The following NCAM2 variants were observed in gnomAD, a reference collection of about 807,000 sequenced individuals.
NCAM2 encodes the protein neural cell adhesion molecule 2.
In NCAM2, 30 loss-of-function variants were observed where a neutral mutation model predicts 98.1. The observed-to-expected ratio is 0.31, with a 90% CI of 0.23 to 0.41. The LOEUF (loss-of-function observed/expected upper bound fraction) is 0.41. Ranked by LOEUF, NCAM2 falls within the 10% of genes least tolerant of loss-of-function variation. The probability of loss-of-function intolerance (pLI) is 1.00; values close to 1 mark genes in which losing one functional copy is unlikely to be tolerated. For missense variants in NCAM2, 867 were observed against 1,005.8 expected, an observed-to-expected ratio of 0.86 and a Z score of 1.87; for synonymous variants, 368 against 342.4, an observed-to-expected ratio of 1.07 and a Z score of -0.83.
chr21:21,492,354 C>A (rs937435046), intron 15 of NCAM2, among the ~76,000 whole-genome samples: 1 of 151,772 alleles, frequency 6.6e-6, no homozygotes, highest in Admixed American at 6.6e-5. Flanking sequence ...AACAAAAAAT[C>A]CCTATGTGTC....
intron 1 of NCAM2, among the ~76,000 whole-genome samples, chr21:21,124,473 C>T (rs754282585): frequency 2.6e-5 from 4 of 152,054 alleles, no homozygotes; most frequent in Non-Finnish European, 5.9e-5. Flanking sequence ...AAATAGTAAA[C>T]TTAGGTCAGC....
chr21:21,289,225 T>C (rs1334743504), intron 4 of NCAM2, among the ~76,000 whole-genome samples: 1 of 151,876 alleles, frequency 6.6e-6, no homozygotes. Flanking sequence ...AAAGATTAAT[T>C]CAACAATTAT....
chr21:21,171,946 A>G (rs111980586), intron 1 of NCAM2, among the ~76,000 whole-genome samples: 4 of 152,260 alleles, frequency 2.6e-5, no homozygotes, highest in African/African-American at 9.6e-5. Context: ...CAAGAACTTC[A>G]GTCCCTTATG....
chr21:21,150,934 C>T (rs1164808840), intron 1 of NCAM2, among the ~76,000 whole-genome samples: 15 of 151,216 alleles, frequency 9.9e-5, no homozygotes, highest in Non-Finnish European at 4.4e-5. Context: ...AATTTATGGG[C>T]TATGTCATCT....
intron 1 of NCAM2, among the ~76,000 whole-genome samples, chr21:21,018,614 CTAAA>C (rs2064367173): frequency 1.3e-5 from 2 of 152,306 alleles, no homozygotes; most frequent in African/African-American, 4.8e-5. Context: ...TTGAGAATTA[CTAAA>C]TAGATTATCT....
intron 1 of NCAM2, among the ~76,000 whole-genome samples, chr21:21,132,526 A>G (rs992215090): frequency 2.6e-5 from 4 of 152,064 alleles, no homozygotes; most frequent in African/African-American, 9.7e-5. Flanking sequence ...GTATTTAATT[A>G]TGTATGTGTA....
intron 8 of NCAM2, among the ~76,000 whole-genome samples, chr21:21,357,317 C>T (rs542582581): frequency 1.1e-4 from 17 of 151,988 alleles, no homozygotes; most frequent in African/African-American, 4.1e-4. Flanking sequence ...TTCAGGCTGA[C>T]AAAAATTACT....
chr21:21,360,593 A>G (rs1221219971), intron 8 of NCAM2, among the ~76,000 whole-genome samples: 1 of 152,008 alleles, frequency 6.6e-6, no homozygotes, highest in East Asian at 1.9e-4. Flanking sequence ...CCCCTGGTTC[A>G]TAGCGCTTAC....
At chr21:21,022,047 A>G (rs2064448841) in intron 1 of NCAM2, among the ~76,000 whole-genome samples, 1 of 152,138 alleles carries the variant, frequency 6.6e-6, no homozygotes, top group Admixed American at 6.5e-5. Context: ...ATATAAAGTT[A>G]AATAAATATC....
At chr21:21,459,387 G>A (rs1374833344) in intron 12 of NCAM2, among the ~76,000 whole-genome samples, 2 of 150,734 alleles carry the variant, frequency 1.3e-5, no homozygotes, top group Non-Finnish European at 3.0e-5. Context: ...ATGTCTATCT[G>A]TGAATGAATG....
chr21:21,314,496 C>T (rs1425302497), intron 5 of NCAM2, among the ~76,000 whole-genome samples: 1 of 151,940 alleles, frequency 6.6e-6, no homozygotes, highest in African/African-American at 2.4e-5. Context: ...ATGCTGTTGG[C>T]CTATTTGAGA....
At chr21:21,272,934 T>TCATTCACACACACACA in intron 1 of NCAM2, among the ~76,000 whole-genome samples, 1 of 124,872 alleles carries the variant, frequency 8.0e-6, no homozygotes, top group African/African-American at 3.1e-5. Context: ...GGACATGCAT[T>TCATTCACACACACACA]CACACACACA....
intron 6 of NCAM2, among the ~76,000 whole-genome samples, chr21:21,329,945 T>C (rs2074626004): frequency 6.6e-6 from 1 of 152,262 alleles, no homozygotes; most frequent in Non-Finnish European, 1.5e-5. Flanking sequence ...TTGTCATTCA[T>C]AGTATCCCTT....
intron 1 of NCAM2, among the ~76,000 whole-genome samples, chr21:21,160,302 A>G (rs2067742796): frequency 6.6e-6 from 1 of 151,888 alleles, no homozygotes; most frequent in Non-Finnish European, 1.5e-5. Context: ...TCTATAATAT[A>G]TAATTATCTA....
At chr21:21,391,032 A>C (rs2145826971) in intron 9 of NCAM2, among the ~76,000 whole-genome samples, 1 of 152,288 alleles carries the variant, frequency 6.6e-6, no homozygotes, top group Admixed American at 6.5e-5. Context: ...ATATTCGTTT[A>C]AAAACCTTTG....
intron 15 of NCAM2, among the ~76,000 whole-genome samples, chr21:21,507,281 T>C (rs1036269764): frequency 6.6e-6 from 1 of 152,112 alleles, no homozygotes; most frequent in Non-Finnish European, 1.5e-5. Flanking sequence ...CTTCAAGTCA[T>C]TATTAAAATA....
intron 8 of NCAM2, among the ~76,000 whole-genome samples, chr21:21,369,648 A>G (rs193268867): frequency 7.9e-5 from 12 of 151,938 alleles, no homozygotes; most frequent in Admixed American, 3.9e-4. Context: ...AGCCACTCCA[A>G]TGAATGCTAA....
intron 8 of NCAM2, among the ~76,000 whole-genome samples, chr21:21,342,397 G>A (rs2075066796): frequency 6.6e-6 from 1 of 152,156 alleles, no homozygotes; most frequent in African/African-American, 2.4e-5. Flanking sequence ...TTATGAGGAG[G>A]TTCAACTTTG....
intron 12 of NCAM2, among the ~76,000 whole-genome samples, chr21:21,447,260 A>G (rs1457178042): frequency 6.6e-6 from 1 of 152,146 alleles, no homozygotes; most frequent in East Asian, 1.9e-4. Flanking sequence ...ATCTACAACC[A>G]TTTGATATTC....
Sources: allele counts gnomAD v4.1 joint callset (sites outside exome capture counted in the v4.1 genomes callset), GRCh38; gene constraint gnomAD v4.1.1; transcripts MANE v1.5; gene names NCBI Gene and HGNC (gene_info 2026-07-23, HGNC 2026-07-21).